Variants in MARCHF6 observed in about 807,000 individuals in gnomAD.
MARCHF6 encodes the protein membrane associated ring-CH-type finger 6.
MARCHF6 carries 31 observed loss-of-function variants against 133.7 expected under a neutral mutation model. The ratio of observed to expected loss-of-function variants is 0.23; its 90% CI spans 0.17 to 0.31. The LOEUF is 0.31. MARCHF6 is among the 10% of genes least tolerant of loss of function. MARCHF6 has a pLI of 1.00. For missense variants in MARCHF6, 723 were observed against 1,121.6 expected, an observed-to-expected ratio of 0.64 and a Z score of 5.08; for synonymous variants, 395 against 402.5, an observed-to-expected ratio of 0.98 and a Z score of 0.22.
At chr5:10,394,200 C>T in intron 8 of MARCHF6, 57 bp downstream of exon 8, 13 of 1,185,282 alleles carry the variant, frequency 1.1e-5, no homozygotes, top group Non-Finnish European at 1.5e-5. Context: ...ATATTTTAAA[C>T]TTTGGTGTAT....
intron 1 of MARCHF6, among the ~76,000 whole-genome samples, chr5:10,356,378 TTTTA>T (rs753361055): frequency 0.023 from 3,322 of 144,080 alleles, 75 homozygotes; most frequent in Non-Finnish European, 0.035. Flanking sequence ...TTTTATTTTA[TTTTA>T]TTTTATTTTA....
At chr5:10,402,209 G>A (rs886555631) in intron 12 of MARCHF6, 70 bp downstream of exon 12, 7 of 1,185,062 alleles carry the variant, frequency 5.9e-6, no homozygotes, top group African/African-American at 3.0e-5. Context: ...CATTAATGGC[G>A]AAACTTGTCT....
Position 10,417,283 on chromosome 5 carries a change from T to C in MARCHF6, c.2162T>C (p.Leu721Ser), listed in dbSNP as rs1022005637. ...KEWSLMIMKTLIVAVLLAGVV... is the reference protein window; with the variant it reads ...KEWSLMIMKTSIVAVLLAGVV... Reference sequence around the variant, plus strand: ...GTTTCCTAATAGATCATGAAGACTTTGATAGTTGCGGTGCTGTTGGCTGGA... The same window carrying C: ...GTTTCCTAATAGATCATGAAGACTTCGATAGTTGCGGTGCTGTTGGCTGGA... Residue 721 changes from leucine (L) to serine (S), a missense_variant, in exon 22 of 26, where the codon TTG becomes TCG. Around this residue, in one of 4 missense-constraint regions of MARCHF6, gnomAD observed 492 missense variants for 699.5 expected, o/e 0.70. Transcript: ENST00000274140. 3 of 1,611,240 alleles carry C rather than the reference T, an allele frequency of 1.9e-6. No individual in the cohort carries two copies. The highest frequency in any genetic ancestry group is 2.2e-5 in the South Asian group (2 of 90,586).
intron 22 of MARCHF6, among the ~76,000 whole-genome samples, chr5:10,420,503 A>T (rs1041761185): frequency 6.6e-6 from 1 of 152,226 alleles, no homozygotes; most frequent in African/African-American, 2.4e-5. Flanking sequence ...TGCAAATGGG[A>T]CAAACAGATA....
rs552774415 is a variant in MARCHF6 at position 10,419,341 on chromosome 5, A to G, written c.2283+1937A>G. On this transcript the variant is annotated intron_variant, in intron 22 of 25. Transcript: ENST00000274140. Reference sequence around the variant, plus strand: ...GTTATACTACAAGGCAAAAAATAAAATAGGTTTTGTGTTAGAAGTTTTTGC... The same window carrying G: ...GTTATACTACAAGGCAAAAAATAAAGTAGGTTTTGTGTTAGAAGTTTTTGC... 8.5e-5 allele frequency among the ~76,000 whole-genome samples: 13 copies of G among 152,278 alleles called. No homozygotes were observed. In the South Asian group the frequency reaches 2.5e-3, roughly 29 times the overall value.
At chr5:10,423,303 A>G (rs975490714) in intron 22 of MARCHF6, among the ~76,000 whole-genome samples, 3 of 152,178 alleles carry the variant, frequency 2.0e-5, no homozygotes, top group African/African-American at 7.2e-5. Context: ...CAAATGCTTC[A>G]AGCTAGAAGC....
intron 10 of MARCHF6, among the ~76,000 whole-genome samples, chr5:10,399,768 AGTT>A (rs1193706461): frequency 6.6e-6 from 1 of 152,064 alleles, no homozygotes; most frequent in Non-Finnish European, 1.5e-5. Context: ...TATTACTTTT[AGTT>A]GTTAAGTTAT....
chr5:10,420,323 A>T (rs748775325), intron 22 of MARCHF6, among the ~76,000 whole-genome samples: 4 of 152,180 alleles, frequency 2.6e-5, no homozygotes, highest in African/African-American at 4.8e-5. Flanking sequence ...CTACCACATG[A>T]TGGGAAAATA....
chr5:10,403,292 T>C, intron 14 of MARCHF6, 115 bp from the exon 15 acceptor site: 1 of 968,002 alleles, frequency 1.0e-6, no homozygotes, highest in Non-Finnish European at 1.5e-6. Context: ...TGAACTGCAG[T>C]TCTAGGAATT....
chr5:10,403,536 A>G lies in MARCHF6; in HGVS notation c.1327A>G (p.Arg443Gly), dbSNP rs779363182. 1.2e-6 allele frequency: 2 copies of G among 1,610,236 alleles called. No homozygotes were observed. Among genetic ancestry groups the G allele is most frequent in the Admixed American group, 3.4e-5 (2 of 58,836 alleles). The stretch of plus-strand genomic sequence containing the variant: ...CTTTGCCTCCTTCATTCTACTACTG[A>G]GAGAGGTAAGTCCACAGGGAAATGC... ...FYFASFILLL[R>G]EVLRPGVLWF... Residue 443 changes from arginine (R) to glycine (G), a missense_variant, in exon 15 of 26, where the codon AGA (arginine) becomes GGA (glycine). Physicochemically the swap from Arg to Gly is moderately radical, Grantham distance 125 (BLOSUM62 -2). This residue lies in a region of MARCHF6 where 492 missense variants were observed against 699.5 expected (regional missense o/e 0.70). Coordinates refer to ENST00000274140, the MANE Select transcript of MARCHF6 (RefSeq NM_005885.4).
chr5:10,364,708 C>A (rs532050313), intron 1 of MARCHF6, among the ~76,000 whole-genome samples: 1 of 152,280 alleles, frequency 6.6e-6, no homozygotes, highest in East Asian at 1.9e-4. Flanking sequence ...CCATGACTTG[C>A]GTATCTGTTA....
At position 10,438,859 on chromosome 5, in the gene MARCHF6, A is replaced by G. The variant is rs1740746411; in HGVS notation, c.*5175A>G. 2 of 152,212 alleles carry G rather than the reference A, an allele frequency of 1.3e-5. No homozygotes were observed. The highest frequency in any genetic ancestry group is 2.9e-5 in the Non-Finnish European group (2 of 68,038). 9.4% of individuals were successfully genotyped at this position (152,212 alleles called of 1,614,324 possible). A position where few individuals can be genotyped will look rare whatever the true frequency, so the allele number is the denominator to read the frequency against. On this transcript the variant is annotated 3_prime_UTR_variant, in exon 26 of 26. Coordinates refer to ENST00000274140, the MANE Select transcript of MARCHF6 (RefSeq NM_005885.4). ...TAGGTCCCCCTGCCATTACTCTTTC[A>G]GCCTTCTGCAATCTAGTTCTACTTA... is the stretch of plus-strand genomic sequence containing the variant.
chr5:10,410,226 G>T lies in MARCHF6; in HGVS notation c.1641G>T (p.Gln547His). Residue 547 changes from glutamine to histidine, a missense_variant, in exon 18 of 26, where the codon CAG becomes CAT. Around this residue, in one of 4 missense-constraint regions of MARCHF6, gnomAD observed 492 missense variants for 699.5 expected, o/e 0.70. Transcript: ENST00000274140. ...TACTCGAACAGGGACACACGAGGCA[G>T]TGGCTGAAGGGGCTGGTGCGAGCGT... ...PALLEQGHTR[Q>H]WLKGLVRAWT... 6.2e-7 allele frequency: 1 copy of T among 1,613,710 alleles called. No individual in the cohort carries two copies. The highest frequency in any genetic ancestry group is 8.5e-7 in the Non-Finnish European group (1 of 1,180,032).
At chr5:10,427,278 G>A (rs1485837094) in intron 24 of MARCHF6, among the ~76,000 whole-genome samples, 1 of 152,214 alleles carries the variant, frequency 6.6e-6, no homozygotes, top group Non-Finnish European at 1.5e-5. Flanking sequence ...TGGTTTCCCA[G>A]CCTTGAACCT....
intron 16 of MARCHF6, 29 bp from the exon 17 acceptor site, chr5:10,407,073 G>C (rs767070051): frequency 7.9e-7 from 1 of 1,263,372 alleles, no homozygotes; most frequent in Non-Finnish European, 1.2e-6. Context: ...GACTCTTATA[G>C]TGGTGTCATA....
In MARCHF6 at chr5:10,397,022, G is replaced by A. The variant is rs559764231; in HGVS notation, c.862-271G>A. ...GTTATGAAAATCTATGTAATTTGTCGTAGATTATTTCTAAAAAGGAAGTGT... is the reference window on the plus strand; with the variant it reads ...GTTATGAAAATCTATGTAATTTGTCATAGATTATTTCTAAAAAGGAAGTGT... On this transcript the variant is annotated intron_variant, in intron 9 of 25. Coordinates refer to ENST00000274140, the MANE Select transcript of MARCHF6 (RefSeq NM_005885.4). Among the ~76,000 whole-genome samples the A allele has an allele frequency of 2.1e-4, 32 of 152,224 alleles. No individual in the cohort carries two copies. In the South Asian group the frequency reaches 6.2e-3, roughly 30 times the overall value.
intron 8 of MARCHF6, 95 bp downstream of exon 8, chr5:10,394,238 A>G (rs1255793371): frequency 1.1e-5 from 7 of 649,452 alleles, no homozygotes; most frequent in Non-Finnish European, 1.5e-5. Flanking sequence ...TGTTATCGTT[A>G]CAGTTGATGA....
At chr5:10,387,110 A>T (rs1243196088) in intron 5 of MARCHF6, 44 bp downstream of exon 5, 1 of 1,402,304 alleles carries the variant, frequency 7.1e-7, no homozygotes, top group Non-Finnish European at 9.9e-7. Context: ...GATGTAGATG[A>T]TGCTTGCTTT....
Position 10,439,620 on chromosome 5 carries a change from T to G in MARCHF6, c.*5936T>G, listed in dbSNP as rs1053142644. 3 of 152,242 alleles carry G rather than the reference T, an allele frequency of 2.0e-5. No homozygotes were observed. The highest frequency in any genetic ancestry group is 2.0e-4 in the Admixed American group (3 of 15,288). The allele number at this position is 152,242 out of a possible 1,614,324, so 9.4% of individuals were successfully genotyped here. ...AACCCATTGTTTACTTAATCGCTGT[T>G]TCTCCTGAGCTTGCTGCCTCTGCCC... is the stretch of plus-strand genomic sequence containing the variant. On this transcript the variant is annotated 3_prime_UTR_variant, in exon 26 of 26. Coordinates refer to ENST00000274140, the MANE Select transcript of MARCHF6 (RefSeq NM_005885.4).
Sources: allele counts gnomAD v4.1 joint callset (sites outside exome capture counted in the v4.1 genomes callset), GRCh38; gene constraint gnomAD v4.1.1; regional missense constraint gnomAD v4.1.1; transcripts MANE v1.5; gene names NCBI Gene and HGNC (gene_info 2026-07-23, HGNC 2026-07-21).